Variants in XKR4 observed in about 807,000 individuals in gnomAD.
The protein encoded by XKR4 is XK related 4, also known as XK-related protein 4.
A neutral mutation model predicts 53.9 loss-of-function variants in XKR4; 12 were observed. The ratio of observed to expected loss-of-function variants is 0.22; its 90% CI spans 0.14 to 0.36. The LOEUF (loss-of-function observed/expected upper bound fraction) is 0.36. Among genes scored for constraint, XKR4 ranks in the 10% least tolerant of loss-of-function variants. The pLI is 1.00. For missense variants in XKR4, 799 were observed against 859.5 expected (o/e 0.93, Z 0.88); for synonymous variants, 354 against 362.4 (o/e 0.98, Z 0.26).
chr8:55,346,268 G>T (rs1803639710), intron 1 of XKR4, among the ~76,000 whole-genome samples: 1 of 151,822 alleles, frequency 6.6e-6, no homozygotes, highest in Admixed American at 6.6e-5. Context: ...TATATTTTTA[G>T]TAGAGACTGG....
rs1415009944 is a variant in XKR4 at position 55,523,939 on chromosome 8, T to C, written c.1665T>C (p.Val555=). Residue 555 remains valine (V), a synonymous_variant, in exon 3 of 3, where the codon GTT becomes GTC. Coordinates refer to ENST00000327381, the MANE Select transcript of XKR4 (RefSeq NM_052898.2). The stretch of plus-strand genomic sequence containing the variant: ...GGTCCATCTCCAACAACCGCAGTGT[T>C]GTCAGCGACCGCGATCAGAAATTCG... ...TLRSISNNRS[V]VSDRDQKFAE... is the part of the protein sequence containing the mutation. 1 of 1,614,176 alleles carries C rather than the reference T, an allele frequency of 6.2e-7. No homozygotes were observed. The highest frequency in any genetic ancestry group is 1.7e-5 in the Admixed American group (1 of 60,024).
intron 2 of XKR4, among the ~76,000 whole-genome samples, chr8:55,433,693 C>T (rs1478067855): frequency 6.6e-6 from 1 of 152,104 alleles, no homozygotes; most frequent in Non-Finnish European, 1.5e-5. Context: ...TTGTTATGTA[C>T]GATAGACACA....
intron 2 of XKR4, among the ~76,000 whole-genome samples, chr8:55,490,498 G>A (rs10111746): frequency 0.36 from 54,500 of 151,952 alleles, 12,014 homozygotes; most frequent in African/African-American, 0.64. Flanking sequence ...ATTGTACCCC[G>A]AAATTCAGCA....
intron 1 of XKR4, among the ~76,000 whole-genome samples, chr8:55,255,665 G>T (rs758395412): frequency 4.6e-5 from 7 of 151,996 alleles, no homozygotes; most frequent in Non-Finnish European, 7.4e-5. Flanking sequence ...AAATGTACAA[G>T]AATTGTAATT....
intron 2 of XKR4, among the ~76,000 whole-genome samples, chr8:55,381,249 T>C (rs1804228522): frequency 6.6e-6 from 1 of 152,234 alleles, no homozygotes. Flanking sequence ...GATTCCAAAT[T>C]ATTTTCCTTC....
In XKR4 at chr8:55,162,511, T is replaced by C. The variant is rs186579638; in HGVS notation, c.806+59217T>C. Among the ~76,000 whole-genome samples the C allele has an allele frequency of 2.8e-3, 423 of 152,300 alleles. 5 individuals are homozygous for C. The highest frequency in any genetic ancestry group is 0.025 in the Admixed American group (380 of 15,294). On this transcript the variant is annotated intron_variant, in intron 1 of 2. Coordinates refer to ENST00000327381, the MANE Select transcript of XKR4 (RefSeq NM_052898.2). Reference sequence around the variant, plus strand: ...TAATAATATCTTCTTTATAAAAGTGTTGTGAGGATTAAATAAGACAATGTA... The same window carrying C: ...TAATAATATCTTCTTTATAAAAGTGCTGTGAGGATTAAATAAGACAATGTA...
chr8:55,250,160 A>G (rs764034155), intron 1 of XKR4, among the ~76,000 whole-genome samples: 2 of 152,228 alleles, frequency 1.3e-5, no homozygotes, highest in Admixed American at 6.5e-5. Context: ...TGGTTTCACT[A>G]GAAAGTTGCT....
At chr8:55,321,991 AAAC>A (rs1563323945) in intron 1 of XKR4, among the ~76,000 whole-genome samples, 5 of 84 alleles carry the variant, frequency 0.06, no homozygotes, top group African/African-American at 0.1. Flanking sequence ...CCATCTCGAA[AAAC>A]AAACAAACAA....
chr8:55,239,562 G>A (rs896915263), intron 1 of XKR4, among the ~76,000 whole-genome samples: 1 of 151,994 alleles, frequency 6.6e-6, no homozygotes. Context: ...GCCCCACCTG[G>A]CTTCTGTTGA....
intron 2 of XKR4, among the ~76,000 whole-genome samples, chr8:55,480,876 C>T (rs1806090604): frequency 1.3e-5 from 2 of 151,950 alleles, no homozygotes; most frequent in Non-Finnish European, 2.9e-5. Context: ...GAACTACAAA[C>T]CACTGCTCTA....
At chr8:55,209,597 C>T (rs942620452) in intron 1 of XKR4, among the ~76,000 whole-genome samples, 6 of 152,158 alleles carry the variant, frequency 3.9e-5, no homozygotes, top group Admixed American at 2.0e-4. Context: ...GTGTGCTCCG[C>T]GGACGTGCCG....
intron 1 of XKR4, among the ~76,000 whole-genome samples, chr8:55,135,886 T>C (rs1816620959): frequency 1.0e-5 from 1 of 96,146 alleles, no homozygotes; most frequent in South Asian, 6.3e-4. Flanking sequence ...TTCAACATGC[T>C]CACTTTTTTT....
chr8:55,377,834 G>C (rs1804172614), intron 2 of XKR4, among the ~76,000 whole-genome samples: 1 of 152,188 alleles, frequency 6.6e-6, no homozygotes, highest in Non-Finnish European at 1.5e-5. Context: ...TCAGACCCCA[G>C]AAAGGCACTT....
rs544984628 is a variant in XKR4 at position 55,490,837 on chromosome 8, G to GT, written c.1007-32438dup. Among the ~76,000 whole-genome samples, 279 of 151,600 alleles carry GT rather than the reference G, an allele frequency of 1.8e-3. 2 individuals carry two copies. The highest frequency in any genetic ancestry group is 6.2e-3 in the African/African-American group (258 of 41,360). On this transcript the variant is annotated intron_variant, in intron 2 of 2. Transcript: ENST00000327381. Reference sequence around the variant, plus strand: ...GTGCGCACGCGCATGCTTGTGGTTTGTTTTTTCTGCTTGTGGTTTGTTGAG... The same window carrying GT: ...GTGCGCACGCGCATGCTTGTGGTTTGTTTTTTTCTGCTTGTGGTTTGTTGAG...
chr8:55,370,796 G>T (rs1227655825), intron 2 of XKR4, among the ~76,000 whole-genome samples: 1 of 152,132 alleles, frequency 6.6e-6, no homozygotes, highest in Non-Finnish European at 1.5e-5. Flanking sequence ...GCAGCATGAT[G>T]GGGGCAGCAC....
intron 1 of XKR4, among the ~76,000 whole-genome samples, chr8:55,283,005 C>G (rs1205630046): frequency 6.6e-6 from 1 of 152,086 alleles, no homozygotes; most frequent in Non-Finnish European, 1.5e-5. Context: ...AAATACTTAC[C>G]ATGGTGTTAC....
At chr8:55,243,331 CT>C (rs2129368544) in intron 1 of XKR4, among the ~76,000 whole-genome samples, 1 of 152,330 alleles carries the variant, frequency 6.6e-6, no homozygotes, top group East Asian at 1.9e-4. Flanking sequence ...CCTCTGTGCT[CT>C]ACCCATTCAT....
At chr8:55,407,447 C>T (rs1283493991) in intron 2 of XKR4, among the ~76,000 whole-genome samples, 1 of 152,252 alleles carries the variant, frequency 6.6e-6, no homozygotes, top group Non-Finnish European at 1.5e-5. Context: ...TGCAGTGTCA[C>T]CTACAGGGTC....
intron 2 of XKR4, among the ~76,000 whole-genome samples, chr8:55,459,830 A>T (rs1413769070): frequency 6.6e-6 from 1 of 152,178 alleles, no homozygotes; most frequent in East Asian, 1.9e-4. Flanking sequence ...TGATGAAGTA[A>T]AATGGTACAG....
Sources: gnomAD v4.1 joint callset for allele counts (sites outside exome capture counted in the v4.1 genomes callset) on GRCh38, gnomAD v4.1.1 for gene constraint, MANE v1.5 for transcripts, NCBI Gene and HGNC (gene_info 2026-07-23, HGNC 2026-07-21) for gene names.